Variants in TBC1D2 observed in about 807,000 individuals in gnomAD.
TBC1D2 encodes the protein TBC1 domain family member 2A.
In TBC1D2, 58 loss-of-function variants were observed where a neutral mutation model predicts 91.1. That is an observed-to-expected ratio of 0.64 (90% CI 0.52 to 0.79). The LOEUF (loss-of-function observed/expected upper bound fraction) is 0.79, where lower values mean the gene tolerates loss of function less well. Among genes scored for constraint, TBC1D2 ranks in the 30% least tolerant of loss-of-function variants. The probability of loss-of-function intolerance (pLI) is 0.00; values close to 1 mark genes in which losing one functional copy is unlikely to be tolerated. For missense variants in TBC1D2, 1,080 were observed against 1,208.3 expected (o/e 0.89, Z 1.57); for synonymous variants, 482 against 511.5 (o/e 0.94, Z 0.78).
intron 1 of TBC1D2, among the ~76,000 whole-genome samples, chr9:98,253,909 C>T (rs1252212746): frequency 1.3e-5 from 2 of 152,200 alleles, no homozygotes; most frequent in Non-Finnish European, 2.9e-5. Context: ...CCCCGCCAAG[C>T]GCAGAGCCAG....
intron 2 of TBC1D2, among the ~76,000 whole-genome samples, chr9:98,250,210 G>T (rs1397232713): frequency 2.6e-5 from 4 of 152,192 alleles, no homozygotes; most frequent in Non-Finnish European, 5.9e-5. Flanking sequence ...AGAGAGCAGA[G>T]ACTCTGCCGA....
Position 98,244,030 on chromosome 9 carries a change from T to C in TBC1D2, c.611A>G (p.Gln204Arg), listed in dbSNP as rs749542904. Residue 204 changes from glutamine to arginine, a missense_variant, in exon 3 of 13, where the codon CAG becomes CGG. Gln to Arg is a conservative substitution (Grantham distance 43, BLOSUM62 1). Transcript: ENST00000465784. ...CCCCAGGTGCTTGAGGGAAATATTC[T>C]GAAGGGCAGGGAAGGGCTGCAAGGC... The part of the protein sequence containing the change: ...AAALQPFPAL[Q>R]NISLKHLGTE... 3 of 1,610,622 alleles carry C rather than the reference T, an allele frequency of 1.9e-6. No homozygotes were observed. The highest frequency in any genetic ancestry group is 1.7e-5 in the Admixed American group (1 of 59,464).
At chr9:98,237,598 C>A (rs1309801005) in intron 3 of TBC1D2, among the ~76,000 whole-genome samples, 2 of 151,494 alleles carry the variant, frequency 1.3e-5, no homozygotes, top group African/African-American at 4.8e-5. Context: ...CCTCCACCTC[C>A]CAGATTCAAG....
At chr9:98,199,644 C>T in intron 12 of TBC1D2, 56 bp from the exon 13 acceptor site, 1 of 1,583,702 alleles carries the variant, frequency 6.3e-7, no homozygotes, top group Non-Finnish European at 8.7e-7. Flanking sequence ...CCGGCGTTTA[C>T]CCGGCTCTCC....
At chr9:98,212,145 A>G (rs1828859551) in intron 7 of TBC1D2, among the ~76,000 whole-genome samples, 1 of 151,990 alleles carries the variant, frequency 6.6e-6, no homozygotes, top group Non-Finnish European at 1.5e-5. Flanking sequence ...CCCTACTTCC[A>G]GGCCCACCTT....
chr9:98,251,592 G>A (rs1374186546), intron 2 of TBC1D2, among the ~76,000 whole-genome samples, 193 bp downstream of exon 2: 2 of 152,192 alleles, frequency 1.3e-5, no homozygotes, highest in Admixed American at 1.3e-4. Context: ...CTTGCCTAAA[G>A]TTATATAGGA....
chr9:98,199,616 G>A, intron 12 of TBC1D2, 28 bp from the exon 13 acceptor site: 1 of 1,611,112 alleles, frequency 6.2e-7, no homozygotes, highest in East Asian at 2.2e-5. Flanking sequence ...TCAGCCCAGA[G>A]CACGTCACCC....
intron 2 of TBC1D2, 21 bp downstream of exon 2, chr9:98,251,764 G>A (rs1316395986): frequency 5.1e-6 from 8 of 1,561,234 alleles, no homozygotes; most frequent in Non-Finnish European, 6.1e-6. Context: ...TGTGCAGGCA[G>A]GAGGGTAGCC....
rs369712320 is a variant in TBC1D2, at chr9:98,231,171, A to T, written c.782-2023T>A. 7.6e-4 allele frequency among the ~76,000 whole-genome samples: 115 copies of T among 152,138 alleles called. 4 individuals carry two copies. The South Asian group carries it at 0.022, about 29-fold the overall frequency. On this transcript the variant is annotated intron_variant, in intron 4 of 12. Transcript: ENST00000465784. ...ATAAGGCCTAAGACAGTGGTGTTCAATCAGTGCCCTGGATTTCATAGGAGT... is the reference window on the plus strand; with the variant it reads ...ATAAGGCCTAAGACAGTGGTGTTCATTCAGTGCCCTGGATTTCATAGGAGT...
At chr9:98,224,543 A>G (rs1237755147) in intron 5 of TBC1D2, among the ~76,000 whole-genome samples, 2 of 152,100 alleles carry the variant, frequency 1.3e-5, no homozygotes, top group African/African-American at 2.4e-5. Context: ...TTGGCCTCCC[A>G]AAGTGTTGGG....
chr9:98,224,499 T>C (rs2119101697), intron 5 of TBC1D2, among the ~76,000 whole-genome samples: 1 of 152,054 alleles, frequency 6.6e-6, no homozygotes, highest in South Asian at 2.1e-4. Flanking sequence ...TTCGGGGTGG[T>C]CTTGAACTCT....
intron 3 of TBC1D2, among the ~76,000 whole-genome samples, chr9:98,235,851 G>A (rs1330307785): frequency 2.0e-5 from 3 of 152,054 alleles, no homozygotes; most frequent in Middle Eastern, 3.2e-3. Flanking sequence ...TGGCTAACAC[G>A]GTGAAACCCT....
At chr9:98,232,832 G>C (rs1254054861) in intron 4 of TBC1D2, among the ~76,000 whole-genome samples, 3 of 152,048 alleles carry the variant, frequency 2.0e-5, no homozygotes, top group Non-Finnish European at 4.4e-5. Context: ...TTTTGGTTTT[G>C]TTTGAGACGG....
At chr9:98,236,306 C>A (rs760502961) in intron 3 of TBC1D2, among the ~76,000 whole-genome samples, 1 of 151,986 alleles carries the variant, frequency 6.6e-6, no homozygotes, top group Non-Finnish European at 1.5e-5. Flanking sequence ...TCACTGCAAC[C>A]TCCACCTCCC....
intron 1 of TBC1D2, among the ~76,000 whole-genome samples, chr9:98,254,848 G>A (rs937954606): frequency 6.6e-6 from 1 of 152,178 alleles, no homozygotes; most frequent in African/African-American, 2.4e-5. Context: ...ACACCCAAAA[G>A]TAAAAGTTTT....
chr9:98,236,928 A>AT (rs113680368), intron 3 of TBC1D2, among the ~76,000 whole-genome samples: 176 of 134,020 alleles, frequency 1.3e-3, no homozygotes, highest in Non-Finnish European at 1.2e-3. Context: ...CATTACTTCC[A>AT]TTTTTTTTTT....
At position 98,229,120 on chromosome 9, in the gene TBC1D2, A is replaced by G. The variant is rs764474708; in HGVS notation, c.810T>C (p.Pro270=). 6.2e-7 allele frequency: 1 copy of G among 1,614,258 alleles called. No homozygotes were observed. Among genetic ancestry groups the G allele is most frequent in the African/African-American group, 1.3e-5 (1 of 75,066 alleles). Residue 270 remains proline (P), a synonymous_variant, in exon 5 of 13, where the codon CCT becomes CCC. Coordinates refer to ENST00000465784, the MANE Select transcript of TBC1D2 (RefSeq NM_001267571.2). Reference sequence around the variant, plus strand: ...TGATGGTCAGAGAAGGCTTGGGTGCAGGCTTTGGAGAATCCTCTGGCTCTC... The same window carrying G: ...TGATGGTCAGAGAAGGCTTGGGTGCGGGCTTTGGAGAATCCTCTGGCTCTC... ...PGREPEDSPK[P]APKPSLTISF... is the part of the protein sequence containing the mutation.
chr9:98,249,819 CACTTACT>C (rs1374674107), intron 2 of TBC1D2, among the ~76,000 whole-genome samples: 1 of 152,134 alleles, frequency 6.6e-6, no homozygotes, highest in Non-Finnish European at 1.5e-5. Flanking sequence ...ATGTATTGAG[CACTTACT>C]ATGTGCCTGA....
chr9:98,250,441 T>C (rs1369770961), intron 2 of TBC1D2, among the ~76,000 whole-genome samples: 1 of 152,024 alleles, frequency 6.6e-6, no homozygotes, highest in Non-Finnish European at 1.5e-5. Flanking sequence ...CTTTGAGAGA[T>C]GAGGTGTGAC....
Sources: allele counts gnomAD v4.1 joint callset (sites outside exome capture counted in the v4.1 genomes callset), GRCh38; gene constraint gnomAD v4.1.1; transcripts MANE v1.5; gene names NCBI Gene and HGNC (gene_info 2026-07-23, HGNC 2026-07-21).